The following L3MBTL4 variants were observed in gnomAD, a reference collection of about 807,000 sequenced individuals.
L3MBTL4 encodes lethal(3)malignant brain tumor-like protein 4.
Under a neutral mutation model 84.5 loss-of-function variants are expected in L3MBTL4, and 70 were observed. The ratio of observed to expected loss-of-function variants is 0.83; its 90% confidence interval spans 0.68 to 1.01. The LOEUF is 1.01. L3MBTL4 is among the 50% of genes least tolerant of loss of function. L3MBTL4 has a pLI of 0.00. For missense variants in L3MBTL4, 715 were observed against 754.8 expected, an observed-to-expected ratio of 0.95 and a Z score of 0.62; for synonymous variants, 274 against 259.8, an observed-to-expected ratio of 1.05 and a Z score of -0.52.
chr18:6,366,265 G>T (rs749028526), intron 1 of L3MBTL4, among the ~76,000 whole-genome samples: 18 of 152,140 alleles, frequency 1.2e-4, no homozygotes, highest in Non-Finnish European at 1.6e-4. Flanking sequence ...GTCCACAGAT[G>T]ATCAGCACAT....
Position 6,354,190 on chromosome 18 carries a change from G to C in L3MBTL4, c.-90-42134C>G, listed in dbSNP as rs2053329626. Among the ~76,000 whole-genome samples, 3 of 152,084 alleles carry C rather than the reference G, an allele frequency of 2.0e-5. No individual in the cohort carries two copies. In the South Asian group the frequency reaches 6.2e-4, roughly 32 times the overall value. On this transcript the variant is annotated intron_variant, in intron 1 of 18. Coordinates refer to ENST00000317931, the MANE Select transcript of L3MBTL4 (RefSeq NM_001330559.2). ...AAGAACACACACTGGGGAAAAGACA[G>C]TCTCTTCAATAAATGGTGTTGGGAA...
intron 12 of L3MBTL4, among the ~76,000 whole-genome samples, chr18:6,191,420 G>A (rs1165547476): frequency 1.3e-5 from 2 of 152,186 alleles, no homozygotes; most frequent in East Asian, 1.9e-4. Flanking sequence ...TGACTTGAGC[G>A]ATGGGAAAGA....
chr18:6,057,360 A>G lies in L3MBTL4; in HGVS notation c.1444+23521T>C, dbSNP rs191146077. 3.8e-3 allele frequency among the ~76,000 whole-genome samples: 586 copies of G among 152,316 alleles called. 6 individuals carry two copies. Among genetic ancestry groups the G allele is most frequent in the African/African-American group, 0.013 (556 of 41,568 alleles). On this transcript the variant is annotated intron_variant, in intron 16 of 18. Coordinates refer to ENST00000317931, the MANE Select transcript of L3MBTL4 (RefSeq NM_001330559.2). ...AAAAGTATGTTTTTCATAATAACAG[A>G]ATAAAAACTAGGCAAGAGTGTATAA...
At chr18:5,966,142 T>C (rs1161644287) in intron 17 of L3MBTL4, among the ~76,000 whole-genome samples, 2 of 152,124 alleles carry the variant, frequency 1.3e-5, no homozygotes, top group African/African-American at 4.8e-5. Context: ...CTACTTCCCT[T>C]GAATCACCTC....
chr18:6,010,826 A>G (rs2054699917), intron 16 of L3MBTL4, among the ~76,000 whole-genome samples: 1 of 152,228 alleles, frequency 6.6e-6, no homozygotes, highest in Non-Finnish European at 1.5e-5. Flanking sequence ...ATACCTAACC[A>G]GCCCTCACTA....
At chr18:6,334,393 C>G (rs763083691) in intron 1 of L3MBTL4, among the ~76,000 whole-genome samples, 1 of 152,144 alleles carries the variant, frequency 6.6e-6, no homozygotes, top group African/African-American at 2.4e-5. Context: ...AAAACACAGG[C>G]ATCAGTGACT....
At chr18:6,056,508 C>G (rs978763379) in intron 16 of L3MBTL4, among the ~76,000 whole-genome samples, 1 of 152,090 alleles carries the variant, frequency 6.6e-6, no homozygotes, top group South Asian at 2.1e-4. Flanking sequence ...CTGGTCAGAC[C>G]TTTATATATA....
At chr18:6,035,287 AC>A (rs1424938505) in intron 16 of L3MBTL4, among the ~76,000 whole-genome samples, 1 of 152,176 alleles carries the variant, frequency 6.6e-6, no homozygotes, top group Non-Finnish European at 1.5e-5. Flanking sequence ...TTTAGGTCTA[AC>A]GTTTAAGTCT....
At chr18:6,351,457 A>G (rs1482111135) in intron 1 of L3MBTL4, among the ~76,000 whole-genome samples, 1 of 152,202 alleles carries the variant, frequency 6.6e-6, no homozygotes, top group Non-Finnish European at 1.5e-5. Flanking sequence ...TGGCTGCACA[A>G]CAATGTGAAT....
chr18:5,985,980 A>G (rs1177858107), intron 16 of L3MBTL4, among the ~76,000 whole-genome samples: 2 of 152,162 alleles, frequency 1.3e-5, no homozygotes, highest in Non-Finnish European at 2.9e-5. Context: ...TGTGTCTAGG[A>G]CCAGCAACCA....
intron 5 of L3MBTL4, 147 bp from the exon 6 acceptor site, chr18:6,244,735 T>G: frequency 1.6e-6 from 1 of 627,858 alleles, no homozygotes; most frequent in East Asian, 2.6e-5. Flanking sequence ...GGCTGGAAGT[T>G]GAGGGAATGG....
intron 10 of L3MBTL4, among the ~76,000 whole-genome samples, chr18:6,220,820 C>T (rs924345042): frequency 6.6e-6 from 1 of 152,110 alleles, no homozygotes; most frequent in Admixed American, 6.6e-5. Context: ...CAAAATGATA[C>T]CAGTCTAGCC....
At chr18:6,222,177 T>A (rs1599214559) in intron 10 of L3MBTL4, among the ~76,000 whole-genome samples, 1 of 152,224 alleles carries the variant, frequency 6.6e-6, no homozygotes, top group Non-Finnish European at 1.5e-5. Flanking sequence ...AGTTAAAATA[T>A]CTTTCTGGCA....
chr18:5,972,894 GAATAGAA>G (rs1465782161), intron 16 of L3MBTL4, among the ~76,000 whole-genome samples: 4 of 3,478 alleles, frequency 1.2e-3, no homozygotes, highest in African/African-American at 9.7e-3. Context: ...GAACAGAAGA[GAATAGAA>G]TAGAATAGAA....
intron 9 of L3MBTL4, 37 bp downstream of exon 9, chr18:6,239,681 T>C (rs370330793): frequency 1.3e-6 from 2 of 1,599,050 alleles, no homozygotes; most frequent in South Asian, 1.1e-5. Context: ...ATCAAACATA[T>C]GAATACACAA....
At position 6,243,384 on chromosome 18, in the gene L3MBTL4, A is replaced by C; in HGVS notation, c.370T>G (p.Cys124Gly). 6.2e-7 allele frequency: 1 copy of C among 1,607,554 alleles called. No individual in the cohort carries two copies. Among genetic ancestry groups the C allele is most frequent in the Non-Finnish European group, 8.5e-7 (1 of 1,177,176 alleles). ...LRLHFDGYLS[C>G]YDFWTNAGSP... ...CCAGCATTGGTCCAAAAATCATAGC[A>C]ACTTAAATAACCATCAAAATGAAGT... The change falls in exon 7 of 19, where the codon TGC becomes GGC. Residue 124 changes from cysteine (C) to glycine (G), a missense_variant. Cys to Gly is a radical substitution (Grantham distance 159). Coordinates refer to ENST00000317931, the MANE Select transcript of L3MBTL4 (RefSeq NM_001330559.2).
At chr18:6,187,631 T>C (rs550071947) in intron 12 of L3MBTL4, among the ~76,000 whole-genome samples, 2 of 152,250 alleles carry the variant, frequency 1.3e-5, no homozygotes, top group African/African-American at 2.4e-5. Flanking sequence ...CCTTCCCCTC[T>C]TTTTCATGTA....
chr18:6,396,689 A>T (rs952735354), intron 1 of L3MBTL4: 1 of 152,254 alleles, frequency 6.6e-6, no homozygotes, highest in Admixed American at 6.5e-5. Context: ...GAATAAGCAC[A>T]TGTTACTAAC....
At chr18:6,237,108 AAACATT>A (rs1253050644) in intron 10 of L3MBTL4, among the ~76,000 whole-genome samples, 1 of 152,202 alleles carries the variant, frequency 6.6e-6, no homozygotes, top group Non-Finnish European at 1.5e-5. Context: ...GCAAGTCTCT[AAACATT>A]TCATAACATT....
Sources: gnomAD v4.1 joint callset for allele counts (sites outside exome capture counted in the v4.1 genomes callset) on GRCh38, gnomAD v4.1.1 for gene constraint, MANE v1.5 for transcripts, NCBI Gene and HGNC (gene_info 2026-07-23, HGNC 2026-07-21) for gene names.